The following CLEC1A variants were observed in gnomAD, a reference collection of about 807,000 sequenced individuals.
CLEC1A encodes the protein C-type lectin-like receptor-1.
A neutral mutation model predicts 28.7 loss-of-function variants in CLEC1A; 34 were observed. The observed-to-expected ratio is 1.18, with a 90% CI of 0.90 to 1.57. The LOEUF is 1.57. CLEC1A is among the 40% of genes most tolerant of loss of function. The pLI, the probability that CLEC1A is intolerant of heterozygous loss-of-function variation, is 0.00. For synonymous variants in CLEC1A, 116 were observed against 121.0 expected (o/e 0.96, Z 0.27); for missense variants, 385 against 339.5 (o/e 1.13, Z -1.05).
chr12:10,087,472 TTATATATATATATATA>T (rs200437169), intron 2 of CLEC1A, among the ~76,000 whole-genome samples: 1,763 of 75,100 alleles, frequency 0.023, 60 homozygotes, highest in Middle Eastern at 0.094. Context: ...TACCTCAAAG[TTATATATATATATATA>T]TATATATATA....
At chr12:10,081,155 C>A in intron 3 of CLEC1A, 82 bp downstream of exon 3, 1 of 1,249,416 alleles carries the variant, frequency 8.0e-7, no homozygotes, top group Non-Finnish European at 1.1e-6. Context: ...TTAAATAATA[C>A]TTGACTCTCA....
chr12:10,086,397 T>C (rs1336736102), intron 2 of CLEC1A, among the ~76,000 whole-genome samples: 1 of 141,616 alleles, frequency 7.1e-6, no homozygotes, highest in Non-Finnish European at 1.6e-5. Flanking sequence ...AAAAGATAAA[T>C]GAAATAAAAA....
chr12:10,073,923 T>G (rs1866193829), intron 4 of CLEC1A, among the ~76,000 whole-genome samples: 1 of 152,236 alleles, frequency 6.6e-6, no homozygotes, highest in Admixed American at 6.5e-5. Context: ...TATCTATAAA[T>G]ATTTATGTGC....
chr12:10,072,529 C>A (rs892784802), intron 5 of CLEC1A, among the ~76,000 whole-genome samples: 1 of 152,082 alleles, frequency 6.6e-6, no homozygotes, highest in Non-Finnish European at 1.5e-5. Context: ...GCACAGAAAG[C>A]CAAGAACTCT....
Position 10,071,267 on chromosome 12 carries a change from G to T in CLEC1A, c.*66C>A. The T allele has an allele frequency of 7.0e-7, 1 of 1,430,548 alleles. No individual in the cohort carries two copies. Among genetic ancestry groups the T allele is most frequent in the Non-Finnish European group, 9.6e-7 (1 of 1,040,204 alleles). The allele number at this position is 1,430,548 out of a possible 1,614,324, so 88.6% of individuals were successfully genotyped here. A position where few individuals can be genotyped will look rare whatever the true frequency, so the allele number is the denominator to read the frequency against. ...TCCTGATTATGTTCCATTTCCCAAT[G>T]TCTCAACTAGCCCTTGCTTTGGCAC... On this transcript the variant is annotated 3_prime_UTR_variant, in exon 6 of 6. Coordinates refer to ENST00000315330, the MANE Select transcript of CLEC1A (RefSeq NM_016511.4).
Position 10,081,176 on chromosome 12 carries a change from C to T in CLEC1A, c.391+61G>A, listed in dbSNP as rs575476882. 423 of 1,394,342 alleles carry T rather than the reference C, an allele frequency of 3.0e-4. 6 individuals carry two copies. The South Asian group carries it at 4.7e-3, about 15-fold the overall frequency. The allele number at this position is 1,394,342 out of a possible 1,614,324, so 86.4% of individuals were successfully genotyped here. Reference sequence around the variant, plus strand: ...AATACTTGACTCTCACTTTCACCGGCGGGAAATCCATCTCTCTGTTTCCAG... The same window carrying T: ...AATACTTGACTCTCACTTTCACCGGTGGGAAATCCATCTCTCTGTTTCCAG... On this transcript the variant is annotated intron_variant, in intron 3 of 5. Transcript: ENST00000315330.
Position 10,081,412 on chromosome 12 carries a change from A to G in CLEC1A, c.216T>C (p.Phe72=). ...TATTGGAGAGCTGGTAGTACTGAAAAACTAACCCAAATGACCAAGTCAGAC... is the reference window on the plus strand; with the variant it reads ...TATTGGAGAGCTGGTAGTACTGAAAGACTAACCCAAATGACCAAGTCAGAC... ...LIGLAALGLL[F]FQYYQLSNTG... is the part of the protein sequence containing the mutation. The change falls in exon 3 of 6, where the codon TTT becomes TTC. Residue 72 remains phenylalanine, a splice_region_variant and synonymous_variant. Transcript: ENST00000315330. 2 of 1,590,142 alleles carry G rather than the reference A, an allele frequency of 1.3e-6. No individual in the cohort carries two copies. Among genetic ancestry groups the G allele is most frequent in the Non-Finnish European group, 8.5e-7 (1 of 1,170,696 alleles).
At chr12:10,091,856 T>C (rs1947710209) in intron 1 of CLEC1A, among the ~76,000 whole-genome samples, 1 of 152,180 alleles carries the variant, frequency 6.6e-6, no homozygotes, top group Non-Finnish European at 1.5e-5. Flanking sequence ...ATTAAATATA[T>C]TGTATATCTT....
In CLEC1A at chr12:10,075,457, G is replaced by T. The variant is rs200098181; in HGVS notation, c.543+47C>A. The stretch of plus-strand genomic sequence containing the variant: ...AGTCTTCTTGCCTAATGCTTTTAAG[G>T]CCTCTTTTTGAAATCCTTCAAACAT... On this transcript the variant is annotated intron_variant, in intron 4 of 5. Coordinates refer to ENST00000315330, the MANE Select transcript of CLEC1A (RefSeq NM_016511.4). 50 of 1,592,992 alleles carry T rather than the reference G, an allele frequency of 3.1e-5. No individual in the cohort carries two copies. The East Asian group carries it at 1.1e-3, about 35-fold the overall frequency.
chr12:10,087,680 G>A (rs1866530104), intron 2 of CLEC1A, among the ~76,000 whole-genome samples: 1 of 150,032 alleles, frequency 6.7e-6, no homozygotes, highest in African/African-American at 2.5e-5. Flanking sequence ...CCACCACCAT[G>A]CCTGGCTAAG....
chr12:10,093,281 C>G (rs951789217), intron 1 of CLEC1A, among the ~76,000 whole-genome samples: 5 of 150,540 alleles, frequency 3.3e-5, no homozygotes, highest in Non-Finnish European at 7.4e-5. Context: ...TGGAAGAGAA[C>G]CCCTTTGCTG....
chr12:10,092,522 G>C (rs1947720563), intron 1 of CLEC1A: 1 of 248,764 alleles, frequency 4.0e-6, no homozygotes, highest in Non-Finnish European at 8.4e-6. Flanking sequence ...ACTCCAGCCT[G>C]GGTGACAGAG....
chr12:10,087,326 A>G (rs1248376590), intron 2 of CLEC1A, among the ~76,000 whole-genome samples: 2 of 150,906 alleles, frequency 1.3e-5, no homozygotes, highest in Non-Finnish European at 3.0e-5. Context: ...ACAAGTCAAT[A>G]AATATGACAC....
At chr12:10,071,636 C>G in intron 5 of CLEC1A, 123 bp from the exon 6 acceptor site, 1 of 780,440 alleles carries the variant, frequency 1.3e-6, no homozygotes, top group African/African-American at 1.8e-5. Context: ...TACCGGGAAA[C>G]TGGGGTCATG....
intron 3 of CLEC1A, among the ~76,000 whole-genome samples, chr12:10,079,273 G>GAGGATGGA (rs1028351602): frequency 5.9e-5 from 9 of 152,142 alleles, no homozygotes; most frequent in African/African-American, 2.2e-4. Flanking sequence ...ACTTCAGTGG[G>GAGGATGGA]TGGATGGATG....
chr12:10,073,213 G>T, intron 5 of CLEC1A, 80 bp downstream of exon 5: 1 of 1,016,784 alleles, frequency 9.8e-7, no homozygotes. Flanking sequence ...AATACTTGAT[G>T]GACCAAATTC....
At position 10,071,361 on chromosome 12, in the gene CLEC1A, G is replaced by T. The variant is rs771148686; in HGVS notation, c.815C>A (p.Pro272His). ...GTCACCTTCGCCTAATGTTTCAGGG[G>T]GGACATGGAGGCTCTCTGGCTTCAC... Reference protein sequence around the residue: ...GMVKPESLHVPPETLGEGD With the variant: ...GMVKPESLHVHPETLGEGD Residue 272 changes from proline to histidine, a missense_variant, in exon 6 of 6, where the codon CCC becomes CAC. By Grantham distance (77) the Pro-to-His change is moderately conservative (BLOSUM62 -2). Coordinates refer to ENST00000315330, the MANE Select transcript of CLEC1A (RefSeq NM_016511.4). 1 of 1,613,704 alleles carries T rather than the reference G, an allele frequency of 6.2e-7. No individual in the cohort carries two copies. The highest frequency in any genetic ancestry group is 8.5e-7 in the Non-Finnish European group (1 of 1,179,798).
Position 10,070,239 on chromosome 12 carries a change from T to C in CLEC1A, c.*1094A>G, listed in dbSNP as rs1295160241. 2 of 152,222 alleles carry C rather than the reference T, an allele frequency of 1.3e-5. No homozygotes were observed. The highest frequency in any genetic ancestry group is 1.3e-4 in the Admixed American group (2 of 15,280). The allele number at this position is 152,222 out of a possible 1,614,324, so 9.4% of individuals were successfully genotyped here. A position where few individuals can be genotyped will look rare whatever the true frequency, so the allele number is the denominator to read the frequency against. On this transcript the variant is annotated 3_prime_UTR_variant, in exon 6 of 6. Transcript: ENST00000315330. ...AGCTTCCTCATCAACCATGTGTTGA[T>C]GCCATAAGCTCACCTCAAAAGATTT... is the stretch of plus-strand genomic sequence containing the variant.
chr12:10,072,333 A>G (rs534103699), intron 5 of CLEC1A, among the ~76,000 whole-genome samples: 74 of 152,274 alleles, frequency 4.9e-4, no homozygotes, highest in African/African-American at 1.7e-3. Flanking sequence ...TCCTTTCTTT[A>G]TAAGCTATCC....
Sources: allele counts gnomAD v4.1 joint callset (sites outside exome capture counted in the v4.1 genomes callset), GRCh38; gene constraint gnomAD v4.1.1; transcripts MANE v1.5; gene names NCBI Gene and HGNC (gene_info 2026-07-23, HGNC 2026-07-21).